PI4KA: variants seen among roughly 807,000 people sequenced by gnomAD.
PI4KA encodes the protein phosphatidylinositol 4-kinase alpha.
PI4KA carries 122 observed loss-of-function variants against 271.4 expected under a neutral mutation model. The observed-to-expected ratio is 0.45, with a 90% CI of 0.39 to 0.52. PI4KA has a LOEUF of 0.52. Among genes scored for constraint, PI4KA ranks in the 20% least tolerant of loss-of-function variants. The probability of loss-of-function intolerance (pLI) is 0.00; values close to 1 mark genes in which losing one functional copy is unlikely to be tolerated. For synonymous variants in PI4KA, 1,041 were observed against 1,078.8 expected, an observed-to-expected ratio of 0.96 and a Z score of 0.69; for missense variants, 1,969 against 2,769.1, an observed-to-expected ratio of 0.71 and a Z score of 6.48.
At chr22:20,797,080 AC>A (rs1369504004) in intron 17 of PI4KA, among the ~76,000 whole-genome samples, 1 of 152,176 alleles carries the variant, frequency 6.6e-6, no homozygotes, top group Non-Finnish European at 1.5e-5. Context: ...GTGAAACACC[AC>A]GTGAAGCACT....
chr22:20,855,663 T>C (rs1927501842), intron 1 of PI4KA, among the ~76,000 whole-genome samples: 1 of 152,222 alleles, frequency 6.6e-6, no homozygotes, highest in African/African-American at 2.4e-5. Context: ...TCAAGCTTGC[T>C]CCTTGCTACA....
At chr22:20,764,099 G>A (rs922434349) in intron 22 of PI4KA, among the ~76,000 whole-genome samples, 1 of 152,196 alleles carries the variant, frequency 6.6e-6, no homozygotes, top group Non-Finnish European at 1.5e-5. Flanking sequence ...CTTAAGCTGA[G>A]TGTAATTTGA....
At chr22:20,747,819 C>T (rs1232069380) in intron 28 of PI4KA, 117 bp from the exon 29 acceptor site, 16 of 949,968 alleles carry the variant, frequency 1.7e-5, no homozygotes, top group Middle Eastern at 3.1e-4. Flanking sequence ...ATTGCAGCCT[C>T]GACCTCTTAG....
intron 22 of PI4KA, among the ~76,000 whole-genome samples, chr22:20,763,015 TTTG>T (rs1175982835): frequency 4.3e-4 from 4 of 9,410 alleles, no homozygotes; most frequent in Non-Finnish European, 6.0e-4. Context: ...TGCTTTTTTT[TTTG>T]GGGGGGGGGG....
chr22:20,811,171 C>T, intron 8 of PI4KA, 139 bp from the exon 9 acceptor site: 1 of 694,714 alleles, frequency 1.4e-6, no homozygotes, highest in South Asian at 1.6e-5. Flanking sequence ...CAAATTATGG[C>T]TATGTATCAA....
Position 20,819,674 on chromosome 22 carries a change from C to T in PI4KA, c.756G>A (p.Lys252=). 18 of 1,614,122 alleles carry T rather than the reference C, an allele frequency of 1.1e-5. No individual in the cohort carries two copies. Among genetic ancestry groups the T allele is most frequent in the Non-Finnish European group, 1.5e-5 (18 of 1,180,002 alleles). The change falls in exon 6 of 55, where the codon AAG becomes AAA. Residue 252 remains lysine, a synonymous_variant. Transcript: ENST00000255882. The part of the protein sequence containing the change: ...LLTVCQEGTL[K]RKTSSVSSIS... ...TGCTGGACACACTGCTGGTTTTCCT[C>T]TTCAGGGTACCCTCCTGACAGACAG...
At chr22:20,740,019 G>A (rs1397993225) in intron 32 of PI4KA, among the ~76,000 whole-genome samples, 1 of 125,908 alleles carries the variant, frequency 7.9e-6, no homozygotes, top group East Asian at 2.4e-4. Context: ...CCAAGATTGT[G>A]CCACTGCACT....
At chr22:20,710,101 C>T in intron 52 of PI4KA, 104 bp from the exon 53 acceptor site, 1 of 690,198 alleles carries the variant, frequency 1.4e-6, no homozygotes. Flanking sequence ...GGTGTGGGCT[C>T]CTGCCACCCA....
At chr22:20,835,987 G>A (rs533459996) in intron 2 of PI4KA, among the ~76,000 whole-genome samples, 7 of 152,202 alleles carry the variant, frequency 4.6e-5, no homozygotes, top group African/African-American at 1.2e-4. Context: ...AGGAGGCGGA[G>A]CTTGCAGTGA....
intron 19 of PI4KA, among the ~76,000 whole-genome samples, chr22:20,770,907 A>C (rs1270527963): frequency 1.3e-5 from 2 of 152,126 alleles, no homozygotes; most frequent in Non-Finnish European, 2.9e-5. Flanking sequence ...AGTCTGGATG[A>C]GGTAGTTCAC....
intron 17 of PI4KA, 78 bp downstream of exon 17, chr22:20,798,506 G>A (rs1935109323): frequency 3.3e-6 from 3 of 907,130 alleles, no homozygotes; most frequent in Non-Finnish European, 5.6e-6. Context: ...TTATTTAAGA[G>A]ACAAATTCAC....
chr22:20,717,316 G>C (rs527593042), intron 45 of PI4KA, among the ~76,000 whole-genome samples: 3 of 152,346 alleles, frequency 2.0e-5, no homozygotes, highest in South Asian at 2.1e-4. Flanking sequence ...GAGGCGGTGG[G>C]GGGGTGGTGC....
At chr22:20,821,948 C>G (rs1048383201) in intron 4 of PI4KA, among the ~76,000 whole-genome samples, 1 of 152,192 alleles carries the variant, frequency 6.6e-6, no homozygotes, top group African/African-American at 2.4e-5. Flanking sequence ...CTCAGGAGTT[C>G]AGACCTGCCT....
In PI4KA at chr22:20,713,340, C is replaced by T. The variant is rs760261849; in HGVS notation, c.5512G>A (p.Asp1838Asn). ...GCCTGCCAGGAGATCTTCTGGCCGT[C>T]GGCCTCCTGCGTGCTGCACTCATCC... is the stretch of plus-strand genomic sequence containing the variant. Reference protein sequence around the residue: ...SEDECSTQEADGQKISWQAAI... With the variant: ...SEDECSTQEANGQKISWQAAI... The change falls in exon 48 of 55, where the codon GAC becomes AAC. Residue 1838 changes from aspartate to asparagine, a missense_variant. Transcript: ENST00000255882. The T allele has an allele frequency of 1.6e-5, 26 of 1,598,872 alleles. No homozygotes were observed. Among genetic ancestry groups the T allele is most frequent in the South Asian group, 1.4e-4 (12 of 88,868 alleles).
intron 19 of PI4KA, among the ~76,000 whole-genome samples, chr22:20,767,913 G>A (rs763137121): frequency 6.7e-6 from 1 of 149,986 alleles, no homozygotes; most frequent in African/African-American, 2.4e-5. Context: ...GGGATTACAG[G>A]TGTGAGCCAC....
intron 19 of PI4KA, chr22:20,783,926 C>T (rs1157117689): frequency 6.2e-7 from 1 of 1,613,368 alleles, no homozygotes; most frequent in Non-Finnish European, 8.5e-7. Flanking sequence ...AGACGATTTC[C>T]CTAAAGGAAC....
At chr22:20,793,341 T>G in intron 18 of PI4KA, 98 bp from the exon 19 acceptor site, 1 of 698,792 alleles carries the variant, frequency 1.4e-6, no homozygotes, top group Non-Finnish European at 2.5e-6. Context: ...AAACCTGGAA[T>G]GTCTTAATCT....
chr22:20,786,791 C>A lies in PI4KA; in HGVS notation c.2328+6402G>T, dbSNP rs545790931. On this transcript the variant is annotated intron_variant, in intron 19 of 54. Transcript: ENST00000255882. ...CTTACATGTTGTCTTTGGATCCTTT[C>A]CCTGAATGATATGAGATTGTGCTGG... The A allele has an allele frequency of 4.1e-4, 552 of 1,347,752 alleles. 1 individual carries two copies. Among genetic ancestry groups the A allele is most frequent in the Non-Finnish European group, 2.4e-4 (228 of 939,288 alleles). 83.5% of individuals were successfully genotyped at this position (1,347,752 alleles called of 1,614,324 possible).
chr22:20,742,479 T>A, intron 31 of PI4KA, 124 bp from the exon 32 acceptor site: 1 of 1,543,652 alleles, frequency 6.5e-7, no homozygotes, highest in Non-Finnish European at 8.8e-7. Flanking sequence ...TTTCCACTCA[T>A]GAGAGATACT....
Sources: gnomAD v4.1 joint callset for allele counts (sites outside exome capture counted in the v4.1 genomes callset) on GRCh38, gnomAD v4.1.1 for gene constraint, MANE v1.5 for transcripts, NCBI Gene and HGNC (gene_info 2026-07-23, HGNC 2026-07-21) for gene names.